SLC45A4: variants seen among roughly 807,000 people sequenced by gnomAD.
The protein encoded by SLC45A4 is solute carrier family 45 member 4, also known as polyamine-transporter SLC45A4.
In SLC45A4, 32 loss-of-function variants were observed where a neutral mutation model predicts 63.7. The ratio of observed to expected loss-of-function variants is 0.50; its 90% CI spans 0.38 to 0.67. SLC45A4 has a LOEUF of 0.67. Among genes scored for constraint, SLC45A4 ranks in the 30% least tolerant of loss-of-function variants. The pLI is 0.00. For synonymous variants in SLC45A4, 535 were observed against 510.0 expected, an observed-to-expected ratio of 1.05 and a Z score of -0.66; for missense variants, 1,027 against 1,157.7, an observed-to-expected ratio of 0.89 and a Z score of 1.64.
chr8:141,270,360 C>CTACA (rs1829468343), intron 1 of SLC45A4, among the ~76,000 whole-genome samples: 1 of 138,348 alleles, frequency 7.2e-6, no homozygotes, highest in Admixed American at 7.5e-5. Context: ...GACCCCATCT[C>CTACA]TACATAAATA....
At chr8:141,292,687 C>G (rs1160440235) in intron 1 of SLC45A4, 1 of 152,876 alleles carries the variant, frequency 6.5e-6, no homozygotes. Context: ...TCTCTCTCTC[C>G]TTGCAGGTGC....
At chr8:141,235,743 G>C (rs765269474) in intron 2 of SLC45A4, among the ~76,000 whole-genome samples, 10 of 152,180 alleles carry the variant, frequency 6.6e-5, no homozygotes, top group Non-Finnish European at 1.5e-4. Context: ...TCACGTTCTC[G>C]AATGAAAAAT....
chr8:141,250,383 T>C (rs1405822708), intron 2 of SLC45A4, among the ~76,000 whole-genome samples: 1 of 150,248 alleles, frequency 6.7e-6, no homozygotes, highest in Non-Finnish European at 1.5e-5. Flanking sequence ...TTTGCCCAAC[T>C]ATAGGCTGGT....
rs529243318 is a variant in SLC45A4, at chr8:141,229,506, C to T, written c.242-7741G>A. On this transcript the variant is annotated intron_variant, in intron 2 of 8. Transcript: ENST00000517878. This position sits in a 1 kb window ranked among gnomAD's most constrained non-coding sequence, Gnocchi z 5.0. Reference sequence around the variant, plus strand: ...GTGCCTTCCCCGGGTAGGGGCAGCTCCCCTGGTGTCCAGGCACTCCCTTGT... The same window carrying T: ...GTGCCTTCCCCGGGTAGGGGCAGCTTCCCTGGTGTCCAGGCACTCCCTTGT... 1.4e-4 allele frequency among the ~76,000 whole-genome samples: 21 copies of T among 152,298 alleles called. No homozygotes were observed. The South Asian group carries it at 4.1e-3, about 30-fold the overall frequency.
At chr8:141,273,340 G>C (rs1485588697) in intron 1 of SLC45A4, among the ~76,000 whole-genome samples, 1 of 152,204 alleles carries the variant, frequency 6.6e-6, no homozygotes, top group Non-Finnish European at 1.5e-5. Context: ...GGCTGCCATG[G>C]AAACGGTGGC....
intron 1 of SLC45A4, among the ~76,000 whole-genome samples, chr8:141,303,188 G>C (rs1397523336): frequency 6.6e-6 from 1 of 151,682 alleles, no homozygotes; most frequent in Admixed American, 6.6e-5. Context: ...ATAGAGACAG[G>C]GTTTTGCCAT....
intron 2 of SLC45A4, chr8:141,252,505 G>A (rs1410043400): frequency 2.3e-5 from 3 of 130,070 alleles, no homozygotes; most frequent in Non-Finnish European, 3.5e-5. Context: ...CCACCTGTGC[G>A]TCTGTGAATT....
intron 2 of SLC45A4, among the ~76,000 whole-genome samples, chr8:141,239,084 G>A (rs527285238): frequency 9.9e-5 from 15 of 152,170 alleles, no homozygotes; most frequent in African/African-American, 2.7e-4. Flanking sequence ...CCTGGGCCAC[G>A]CGGTGAATTT....
chr8:141,293,018 T>C (rs1212211542), intron 1 of SLC45A4, among the ~76,000 whole-genome samples: 1 of 152,154 alleles, frequency 6.6e-6, no homozygotes, highest in Non-Finnish European at 1.5e-5. Context: ...GAAATGGGGA[T>C]TGGACACCCA....
intron 2 of SLC45A4, among the ~76,000 whole-genome samples, chr8:141,222,311 CCCACAG>C (rs1400115282): frequency 2.2e-4 from 33 of 152,338 alleles, no homozygotes; most frequent in African/African-American, 7.7e-4. Context: ...GCAGAGGGTC[CCCACAG>C]CCAGCAAAAG....
chr8:141,301,354 A>G (rs1466950049), intron 1 of SLC45A4, among the ~76,000 whole-genome samples: 1 of 152,250 alleles, frequency 6.6e-6, no homozygotes, highest in Non-Finnish European at 1.5e-5. Flanking sequence ...GATAATTACA[A>G]TGACATAAAA....
intron 7 of SLC45A4, among the ~76,000 whole-genome samples, chr8:141,214,858 A>G (rs1243597610): frequency 6.6e-6 from 1 of 152,178 alleles, no homozygotes; most frequent in Non-Finnish European, 1.5e-5. Context: ...ACCCATATGT[A>G]GGGAAAAAAA....
intron 1 of SLC45A4, among the ~76,000 whole-genome samples, chr8:141,265,112 A>C (rs1346717321): frequency 6.6e-6 from 1 of 152,256 alleles, no homozygotes; most frequent in Non-Finnish European, 1.5e-5. Flanking sequence ...CTGCCAACTT[A>C]AAGATGGATT....
chr8:141,269,961 C>T (rs1829449282), intron 1 of SLC45A4, among the ~76,000 whole-genome samples: 1 of 152,124 alleles, frequency 6.6e-6, no homozygotes, highest in Non-Finnish European at 1.5e-5. Flanking sequence ...CATGTCTTTC[C>T]CCGCACTCCT....
chr8:141,276,902 C>A lies in SLC45A4; in HGVS notation c.-400-22273G>T, dbSNP rs117562742. 1.4e-4 allele frequency among the ~76,000 whole-genome samples: 21 copies of A among 152,362 alleles called. No individual in the cohort carries two copies. In the East Asian group the frequency reaches 3.9e-3, roughly 28 times the overall value. The stretch of plus-strand genomic sequence containing the variant: ...GCGGGCTCCTCAGCTGAAGATATCA[C>A]GGGCACCTTTCCAACTCATTAATTC... On this transcript the variant is annotated intron_variant, in intron 1 of 8. Transcript: ENST00000517878.
chr8:141,223,256 A>G (rs1219505264), intron 2 of SLC45A4, among the ~76,000 whole-genome samples: 1 of 152,238 alleles, frequency 6.6e-6, no homozygotes, highest in Non-Finnish European at 1.5e-5. Flanking sequence ...ACTCGGAGTC[A>G]GCAGAAAGGA....
At chr8:141,299,016 A>T (rs1030716308) in intron 1 of SLC45A4, among the ~76,000 whole-genome samples, 1 of 150,148 alleles carries the variant, frequency 6.7e-6, no homozygotes, top group African/African-American at 2.5e-5. Flanking sequence ...GCGCTGCTCC[A>T]GAGGTCCCAG....
At chr8:141,216,691 G>C (rs1392470057) in intron 6 of SLC45A4, among the ~76,000 whole-genome samples, 2 of 150,416 alleles carry the variant, frequency 1.3e-5, no homozygotes, top group Admixed American at 6.7e-5. Context: ...ACGGAAGCCT[G>C]TCACCCCGGC....
intron 1 of SLC45A4, among the ~76,000 whole-genome samples, chr8:141,297,013 T>C (rs868570849): frequency 6.6e-6 from 1 of 152,144 alleles, no homozygotes; most frequent in Non-Finnish European, 1.5e-5. Flanking sequence ...ATCTTTGTTG[T>C]TGCAAAGCCA....
Sources: allele counts gnomAD v4.1 joint callset (sites outside exome capture counted in the v4.1 genomes callset), GRCh38; gene constraint gnomAD v4.1.1; non-coding constraint Gnocchi (gnomAD v3.1); transcripts MANE v1.5; gene names NCBI Gene and HGNC (gene_info 2026-07-23, HGNC 2026-07-21).